SHISA6: variants seen among roughly 807,000 people sequenced by gnomAD.
The protein encoded by SHISA6 is protein shisa-6.
In SHISA6, 22 loss-of-function variants were observed where a neutral mutation model predicts 47.9. The ratio of observed to expected loss-of-function variants is 0.46; its 90% confidence interval spans 0.33 to 0.66. The LOEUF is 0.66. Ranked by LOEUF, SHISA6 falls within the 30% of genes least tolerant of loss-of-function variation. The pLI is 0.02. For missense variants in SHISA6, 680 were observed against 764.6 expected (o/e 0.89, Z 1.30); for synonymous variants, 388 against 337.8 (o/e 1.15, Z -1.63).
In SHISA6 at chr17:11,558,082, G is replaced by A. The variant is rs575670331; in HGVS notation, c.1434G>A (p.Thr478=). ...EQSLSRAISH[T]DVFVSTPVLD... ...CGCTGTCCAGGGCCATCTCGCACAC[G>A]GACGTCTTTGTGTCCACACCCGTGC... Residue 478 remains threonine, a synonymous_variant, in exon 6 of 6, where the codon ACG becomes ACA. Coordinates refer to ENST00000441885, the MANE Select transcript of SHISA6 (RefSeq NM_207386.4). 250 of 1,551,614 alleles carry A rather than the reference G, an allele frequency of 1.6e-4. 1 individual carries two copies. Among genetic ancestry groups the A allele is most frequent in the Middle Eastern group, 5.0e-4 (3 of 5,992 alleles).
intron 1 of SHISA6, among the ~76,000 whole-genome samples, chr17:11,257,999 TA>T (rs916219582): frequency 2.0e-5 from 3 of 152,296 alleles, no homozygotes; most frequent in Admixed American, 1.3e-4. Context: ...TTGAATTTTA[TA>T]AAAAAATTAA....
At chr17:11,384,589 T>C (rs1249746284) in intron 3 of SHISA6, among the ~76,000 whole-genome samples, 2 of 152,190 alleles carry the variant, frequency 1.3e-5, no homozygotes, top group Non-Finnish European at 2.9e-5. Context: ...TTCAATATTG[T>C]CAATTCCAGT....
At chr17:11,450,046 G>T (rs958022127) in intron 3 of SHISA6, among the ~76,000 whole-genome samples, 5 of 152,202 alleles carry the variant, frequency 3.3e-5, no homozygotes, top group South Asian at 2.1e-4. Flanking sequence ...CACCACGCCT[G>T]GTTAATTTTT....
Position 11,300,669 on chromosome 17 carries a change from CT to C in SHISA6, c.799+37158del, listed in dbSNP as rs201580011. Among the ~76,000 whole-genome samples the C allele has an allele frequency of 5.2e-3, 701 of 136,104 alleles. 9 individuals carry two copies. Among genetic ancestry groups the C allele is most frequent in the East Asian group, 0.04 (189 of 4,668 alleles). The allele number at this position is 136,104 out of a possible 152,430, so 89.3% of individuals were successfully genotyped here. A position where few individuals can be genotyped will look rare whatever the true frequency, so the allele number is the denominator to read the frequency against. On this transcript the variant is annotated intron_variant, in intron 2 of 5. Coordinates refer to ENST00000441885, the MANE Select transcript of SHISA6 (RefSeq NM_207386.4). ...CAGTTTAGGACTTTTTTTTCTTTTT[CT>C]TTTTTTTTTTTTTTGTAATTCAGTG...
chr17:11,312,807 T>C (rs772261804), intron 2 of SHISA6, among the ~76,000 whole-genome samples: 1 of 152,216 alleles, frequency 6.6e-6, no homozygotes, highest in Admixed American at 6.5e-5. Flanking sequence ...CCAGTGAGCA[T>C]ATAGGCATCT....
chr17:11,504,514 C>T (rs183883289), intron 3 of SHISA6, among the ~76,000 whole-genome samples: 10 of 152,244 alleles, frequency 6.6e-5, no homozygotes, highest in African/African-American at 2.4e-4. Context: ...GAAGTGAAAC[C>T]AGCATTCCTA....
At chr17:11,530,345 G>C (rs1170882358) in intron 3 of SHISA6, among the ~76,000 whole-genome samples, 2 of 152,124 alleles carry the variant, frequency 1.3e-5, no homozygotes, top group Non-Finnish European at 2.9e-5. Context: ...ATGGAAGTGT[G>C]CATTATTGAC....
chr17:11,301,246 T>C (rs1025777715), intron 2 of SHISA6, among the ~76,000 whole-genome samples: 2 of 152,074 alleles, frequency 1.3e-5, no homozygotes, highest in African/African-American at 4.8e-5. Context: ...GACCCTCAAG[T>C]TGAAGTTGCA....
Position 11,524,070 on chromosome 17 carries a change from TGAAAGAAAGAAAAAGAAA to T in SHISA6, c.896-27813_896-27796del, listed in dbSNP as rs879861899. 2.3e-3 allele frequency among the ~76,000 whole-genome samples: 319 copies of T among 140,962 alleles called. 1 individual carries two copies. The East Asian group carries it at 0.027, about 12-fold the overall frequency. The allele number at this position is 140,962 out of a possible 152,430, so 92.5% of individuals were successfully genotyped here. A position where few individuals can be genotyped will look rare whatever the true frequency, so the allele number is the denominator to read the frequency against. ...AAGAAAAAGAAGAAAGAAAGAAAGATGAAAGAAAGAAAAAGAAAGAAAGAAAGAAAGAGAAAGAAAGAA... is the reference window on the plus strand; with the variant it reads ...AAGAAAAAGAAGAAAGAAAGAAAGATGAAAGAAAGAAAGAGAAAGAAAGAA... On this transcript the variant is annotated intron_variant, in intron 3 of 5. Transcript: ENST00000441885.
chr17:11,392,187 T>TG (rs1291585354), intron 3 of SHISA6, among the ~76,000 whole-genome samples: 1 of 152,066 alleles, frequency 6.6e-6, no homozygotes, highest in Non-Finnish European at 1.5e-5. Context: ...TCTTCTGTCC[T>TG]GGGGGAGTAA....
intron 3 of SHISA6, among the ~76,000 whole-genome samples, chr17:11,473,288 T>G (rs1334748681): frequency 3.9e-5 from 6 of 152,202 alleles, no homozygotes; most frequent in Non-Finnish European, 7.3e-5. Flanking sequence ...TAGTTTGGAC[T>G]TTACATTTAG....
At chr17:11,320,688 A>T (rs984704634) in intron 2 of SHISA6, among the ~76,000 whole-genome samples, 2 of 151,888 alleles carry the variant, frequency 1.3e-5, no homozygotes, top group African/African-American at 4.8e-5. Flanking sequence ...AGAGAGAGAG[A>T]GAAGAAACCA....
intron 3 of SHISA6, among the ~76,000 whole-genome samples, chr17:11,544,313 A>G (rs1010024203): frequency 6.6e-6 from 1 of 152,216 alleles, no homozygotes; most frequent in African/African-American, 2.4e-5. Context: ...CAAACCTTCT[A>G]TCTAATAATG....
chr17:11,264,827 C>G (rs1383166878), intron 2 of SHISA6, among the ~76,000 whole-genome samples: 1 of 152,146 alleles, frequency 6.6e-6, no homozygotes, highest in Non-Finnish European at 1.5e-5. Flanking sequence ...AAATAGCATT[C>G]TTAAATCTTT....
rs2072007121 is a variant in SHISA6 at position 11,558,557 on chromosome 17, G to A, written c.*253G>A. The A allele has an allele frequency of 3.6e-6, 2 of 557,328 alleles. No individual in the cohort carries two copies. Among genetic ancestry groups the A allele is most frequent in the Admixed American group, 3.2e-5 (1 of 31,344 alleles). 34.5% of individuals were successfully genotyped at this position (557,328 alleles called of 1,614,324 possible). ...AGAAGAATCAGTGGGGAGTGAGGAGGGGGCTAGGCCCCATTCTCACCCCCG... is the reference window on the plus strand; with the variant it reads ...AGAAGAATCAGTGGGGAGTGAGGAGAGGGCTAGGCCCCATTCTCACCCCCG... On this transcript the variant is annotated 3_prime_UTR_variant, in exon 6 of 6. Coordinates refer to ENST00000441885, the MANE Select transcript of SHISA6 (RefSeq NM_207386.4).
At chr17:11,550,892 G>A (rs1285337839) in intron 3 of SHISA6, among the ~76,000 whole-genome samples, 1 of 152,210 alleles carries the variant, frequency 6.6e-6, no homozygotes, top group Non-Finnish European at 1.5e-5. Context: ...AATAGAAGGG[G>A]AAATGGGACA....
At chr17:11,552,712 T>G (rs756767458) in intron 4 of SHISA6, among the ~76,000 whole-genome samples, 1 of 152,238 alleles carries the variant, frequency 6.6e-6, no homozygotes, top group Non-Finnish European at 1.5e-5. Context: ...ACCACTGTTA[T>G]GTCAGATTAT....
At chr17:11,290,157 G>T (rs535628916) in intron 2 of SHISA6, 49 of 151,994 alleles carry the variant, frequency 3.2e-4, no homozygotes, top group African/African-American at 1.0e-3. Context: ...TAATTTTATT[G>T]CATTTTAGGT....
intron 3 of SHISA6, among the ~76,000 whole-genome samples, chr17:11,386,846 GT>G (rs1597487793): frequency 6.6e-6 from 1 of 152,290 alleles, no homozygotes; most frequent in South Asian, 2.1e-4. Context: ...TAAGTGAGGG[GT>G]TAGGGTGACC....
Sources: allele counts gnomAD v4.1 joint callset (sites outside exome capture counted in the v4.1 genomes callset), GRCh38; gene constraint gnomAD v4.1.1; transcripts MANE v1.5; gene names NCBI Gene and HGNC (gene_info 2026-07-23, HGNC 2026-07-21).